Variants in NBEA observed in about 807,000 individuals in gnomAD.
NBEA encodes the protein lysosomal-trafficking regulator 2.
A neutral mutation model predicts 343.4 loss-of-function variants in NBEA; 44 were observed. The ratio of observed to expected loss-of-function variants is 0.13; its 90% CI spans 0.10 to 0.16. The LOEUF is 0.16. NBEA is among the 10% of genes least tolerant of loss of function. The pLI, the probability that NBEA is intolerant of heterozygous loss-of-function variation, is 1.00. For synonymous variants in NBEA, 1,175 were observed against 1,238.7 expected (o/e 0.95, Z 1.08); for missense variants, 2,555 against 3,631.3 (o/e 0.70, Z 7.62).
intron 41 of NBEA, among the ~76,000 whole-genome samples, chr13:35,528,786 A>T (rs919456190): frequency 6.6e-6 from 1 of 152,204 alleles, no homozygotes; most frequent in African/African-American, 2.4e-5. Context: ...TTATCTTAAG[A>T]GAGAAAAACT....
intron 35 of NBEA, among the ~76,000 whole-genome samples, chr13:35,304,184 C>CT (rs1459645611): frequency 2.6e-5 from 4 of 152,120 alleles, no homozygotes; most frequent in African/African-American, 9.7e-5. Flanking sequence ...CTCTTCCTCT[C>CT]TAATAGTGAC....
chr13:35,153,316 A>T (rs1371795358), intron 18 of NBEA, among the ~76,000 whole-genome samples: 1 of 152,104 alleles, frequency 6.6e-6, no homozygotes, highest in Non-Finnish European at 1.5e-5. Context: ...TACAGGTGTG[A>T]GCCACCATGC....
intron 1 of NBEA, among the ~76,000 whole-genome samples, chr13:35,028,343 T>C (rs1269286814): frequency 1.3e-5 from 2 of 151,888 alleles, no homozygotes; most frequent in African/African-American, 2.4e-5. Flanking sequence ...CTTTCATCAG[T>C]GATTTGTTGT....
At chr13:35,179,808 T>C (rs2071185500) in intron 28 of NBEA, 1 of 984,186 alleles carries the variant, frequency 1.0e-6, no homozygotes, top group Non-Finnish European at 1.2e-6. Context: ...GTTGGTATCT[T>C]TTCTTAATCT....
At chr13:35,249,954 A>G (rs1022603461) in intron 34 of NBEA, among the ~76,000 whole-genome samples, 4 of 152,206 alleles carry the variant, frequency 2.6e-5, no homozygotes, top group Non-Finnish European at 4.4e-5. Flanking sequence ...AGGAAATTAT[A>G]CTAAGTAAAA....
intron 8 of NBEA, among the ~76,000 whole-genome samples, chr13:35,059,440 A>G (rs191965945): frequency 4.6e-4 from 70 of 151,986 alleles, no homozygotes; most frequent in African/African-American, 1.6e-3. Context: ...TAGAGCGTGC[A>G]CATATATGAG....
chr13:35,120,411 A>C (rs2066731988), intron 16 of NBEA, among the ~76,000 whole-genome samples: 1 of 152,174 alleles, frequency 6.6e-6, no homozygotes, highest in Admixed American at 6.5e-5. Context: ...CAGCTTTTCT[A>C]CTTCAAAAAT....
At chr13:35,535,214 G>A (rs1454119990) in intron 41 of NBEA, among the ~76,000 whole-genome samples, 8 of 152,188 alleles carry the variant, frequency 5.3e-5, no homozygotes, top group Non-Finnish European at 1.0e-4. Context: ...TTCCTGTAAT[G>A]TAGAAAACTG....
chr13:35,140,069 T>G (rs1345699230), intron 17 of NBEA, among the ~76,000 whole-genome samples: 1 of 152,196 alleles, frequency 6.6e-6, no homozygotes, highest in African/African-American at 2.4e-5. Context: ...TTGCTCAGGC[T>G]AGAGTGCAGT....
intron 1 of NBEA, among the ~76,000 whole-genome samples, chr13:35,000,327 A>T (rs563395383): frequency 6.6e-6 from 1 of 152,226 alleles, no homozygotes; most frequent in South Asian, 2.1e-4. Flanking sequence ...TTACATGGGA[A>T]TTGGGAGAGG....
At chr13:35,111,428 T>C (rs1422839190) in intron 13 of NBEA, among the ~76,000 whole-genome samples, 1 of 151,874 alleles carries the variant, frequency 6.6e-6, no homozygotes, top group Non-Finnish European at 1.5e-5. Flanking sequence ...GTTTTTCTAA[T>C]TATACAAAAA....
chr13:35,133,201 A>G (rs534776441), intron 17 of NBEA, among the ~76,000 whole-genome samples: 1 of 152,258 alleles, frequency 6.6e-6, no homozygotes, highest in African/African-American at 2.4e-5. Flanking sequence ...TGAAGAATAT[A>G]AACAGACAAT....
At chr13:34,960,268 C>G (rs2059619847) in intron 1 of NBEA, among the ~76,000 whole-genome samples, 1 of 151,748 alleles carries the variant, frequency 6.6e-6, no homozygotes, top group African/African-American at 2.4e-5. Flanking sequence ...GAATAAGATA[C>G]AAAGAAAATA....
At chr13:35,189,047 T>G (rs1445019139) in intron 30 of NBEA, among the ~76,000 whole-genome samples, 2 of 151,550 alleles carry the variant, frequency 1.3e-5, no homozygotes, top group African/African-American at 4.8e-5. Flanking sequence ...GCTTCCTGAG[T>G]AGCTTGGATT....
chr13:35,028,279 G>A (rs1277952189), intron 1 of NBEA, among the ~76,000 whole-genome samples: 1 of 151,772 alleles, frequency 6.6e-6, no homozygotes, highest in Non-Finnish European at 1.5e-5. Flanking sequence ...TCTTTATTAT[G>A]TTGAATATTC....
chr13:35,147,389 T>A (rs867916333), intron 18 of NBEA, among the ~76,000 whole-genome samples: 2 of 152,304 alleles, frequency 1.3e-5, no homozygotes, highest in Middle Eastern at 6.8e-3. Flanking sequence ...AAATCAAAGG[T>A]ACATGCACCT....
chr13:35,670,855 A>G, intron 58 of NBEA, 46 bp from the exon 59 acceptor site: 1 of 1,355,900 alleles, frequency 7.4e-7, no homozygotes, highest in Non-Finnish European at 1.0e-6. Flanking sequence ...TAGCAACCAC[A>G]GAAATGATTT....
chr13:35,641,897 T>A (rs1018007097), intron 49 of NBEA, among the ~76,000 whole-genome samples: 2 of 152,160 alleles, frequency 1.3e-5, no homozygotes, highest in Non-Finnish European at 2.9e-5. Flanking sequence ...TACACTTTTA[T>A]CTTAAACCTT....
intron 34 of NBEA, among the ~76,000 whole-genome samples, chr13:35,242,632 A>G (rs1234346795): frequency 6.6e-6 from 1 of 151,888 alleles, no homozygotes; most frequent in African/African-American, 2.4e-5. Context: ...GATAATCTCA[A>G]AAGAAGCAAG....
Sources: allele counts gnomAD v4.1 joint callset (sites outside exome capture counted in the v4.1 genomes callset), GRCh38; gene constraint gnomAD v4.1.1; transcripts MANE v1.5; gene names NCBI Gene and HGNC (gene_info 2026-07-23, HGNC 2026-07-21).